Variants in RFC3 observed in about 807,000 individuals in gnomAD.
RFC3 encodes replication factor C subunit 3.
In RFC3, 41 loss-of-function variants were observed where a neutral mutation model predicts 45.1. The ratio of observed to expected loss-of-function variants is 0.91; its 90% confidence interval spans 0.71 to 1.18. The LOEUF is 1.18. Ranked by LOEUF, RFC3 falls within the 50% of genes most tolerant of loss-of-function variation. The pLI, the probability that RFC3 is intolerant of heterozygous loss-of-function variation, is 0.00. For missense variants in RFC3, 423 were observed against 428.1 expected (o/e 0.99, Z 0.10); for synonymous variants, 149 against 144.0 (o/e 1.03, Z -0.25).
chr13:33,903,570 T>A (rs1328996634), intron 8 of RFC3, among the ~76,000 whole-genome samples: 2 of 152,210 alleles, frequency 1.3e-5, no homozygotes, highest in South Asian at 2.1e-4. Flanking sequence ...ACAAGTGGGC[T>A]CCAGCAACCA....
chr13:33,873,568 A>G (rs949297844), intron 8 of RFC3, among the ~76,000 whole-genome samples: 1 of 152,112 alleles, frequency 6.6e-6, no homozygotes, highest in Admixed American at 6.6e-5. Context: ...ACAAACTGAC[A>G]GAGAGAGGAT....
At chr13:33,911,363 ATG>A (rs772008959) in intron 8 of RFC3, among the ~76,000 whole-genome samples, 2 of 152,090 alleles carry the variant, frequency 1.3e-5, no homozygotes, top group Non-Finnish European at 2.9e-5. Flanking sequence ...GTCAGCAGCT[ATG>A]TCTCTCCATG....
intron 8 of RFC3, among the ~76,000 whole-genome samples, chr13:33,892,812 C>G (rs528687702): frequency 6.6e-6 from 1 of 152,274 alleles, no homozygotes; most frequent in Admixed American, 6.5e-5. Context: ...GAGACAGTCC[C>G]TGGGGCCACA....
chr13:33,831,419 T>A, intron 7 of RFC3, 65 bp downstream of exon 7: 1 of 805,920 alleles, frequency 1.2e-6, no homozygotes, highest in South Asian at 1.5e-5. Context: ...ACATATTAAC[T>A]ATTTTATGCT....
In RFC3 at chr13:33,941,661, A is replaced by G. The variant is rs78288248; in HGVS notation, c.880-24426A>G. On this transcript the variant is annotated intron_variant, in intron 8 of 8. Coordinates refer to the RFC3 transcript ENST00000434425. ...TCGAAGCTGCCTGTTTTCTTTGGCTATCTTTAAGATTTTTCTATCTTTGGT... is the reference window on the plus strand; with the variant it reads ...TCGAAGCTGCCTGTTTTCTTTGGCTGTCTTTAAGATTTTTCTATCTTTGGT... 1.8e-3 allele frequency among the ~76,000 whole-genome samples: 281 copies of G among 151,960 alleles called. 2 individuals are homozygous for G. The East Asian group carries it at 0.02, about 11-fold the overall frequency.
intron 8 of RFC3, among the ~76,000 whole-genome samples, chr13:33,843,390 AAC>A (rs1200112512): frequency 6.6e-6 from 1 of 152,204 alleles, no homozygotes; most frequent in African/African-American, 2.4e-5. Flanking sequence ...CCAATTTACA[AAC>A]ACTATATGGT....
intron 8 of RFC3, among the ~76,000 whole-genome samples, chr13:33,887,037 T>C (rs200646422): frequency 0.095 from 13,776 of 144,378 alleles, 1,223 homozygotes; most frequent in African/African-American, 0.26. Flanking sequence ...TCTATCATTG[T>C]TGGACATTTG....
At chr13:33,891,885 A>G (rs1292240305) in intron 8 of RFC3, among the ~76,000 whole-genome samples, 1 of 152,206 alleles carries the variant, frequency 6.6e-6, no homozygotes, top group East Asian at 1.9e-4. Context: ...AATAGTTGTG[A>G]AAACTTTCAG....
At chr13:33,929,091 C>T (rs539918435) in intron 8 of RFC3, among the ~76,000 whole-genome samples, 1 of 152,092 alleles carries the variant, frequency 6.6e-6, no homozygotes, top group African/African-American at 2.4e-5. Context: ...GGAGGGCTAC[C>T]TAGTTGTTCG....
At chr13:33,825,932 T>C in intron 4 of RFC3, 46 bp downstream of exon 4, 1 of 1,210,852 alleles carries the variant, frequency 8.3e-7, no homozygotes. Flanking sequence ...CAAGCATTAG[T>C]GCTCTCTCTT....
chr13:33,949,180 A>G (rs2082973445), intron 8 of RFC3, among the ~76,000 whole-genome samples: 2 of 152,140 alleles, frequency 1.3e-5, no homozygotes, highest in Non-Finnish European at 2.9e-5. Flanking sequence ...TGCCCTCATG[A>G]TAATGAGTGA....
chr13:33,890,830 A>G (rs574309829), intron 8 of RFC3, among the ~76,000 whole-genome samples: 75 of 152,312 alleles, frequency 4.9e-4, no homozygotes, highest in African/African-American at 1.7e-3. Context: ...TGAGATTCAA[A>G]CTAGGCCAAT....
At chr13:33,879,630 TAAA>T (rs1327122579) in intron 8 of RFC3, among the ~76,000 whole-genome samples, 1 of 152,164 alleles carries the variant, frequency 6.6e-6, no homozygotes, top group Non-Finnish European at 1.5e-5. Context: ...AAGAAATAAA[TAAA>T]AAATTAAATA....
chr13:33,839,263 G>A (rs578189153), downstream of RFC3, among the ~76,000 whole-genome samples: 3 of 152,184 alleles, frequency 2.0e-5, no homozygotes, highest in South Asian at 2.1e-4. Flanking sequence ...TCTGTCAATG[G>A]CCATGAACTA....
the RFC3 span, among the ~76,000 whole-genome samples, chr13:33,972,093 G>A: frequency 6.6e-6 from 1 of 152,234 alleles, no homozygotes; most frequent in African/African-American, 2.4e-5. Flanking sequence ...TCCGGCCTGG[G>A]TGACAGAGCA....
chr13:33,869,983 G>T (rs1276536476), intron 8 of RFC3, among the ~76,000 whole-genome samples: 7 of 152,142 alleles, frequency 4.6e-5, no homozygotes, highest in Non-Finnish European at 1.0e-4. Context: ...ATCCTTGTTT[G>T]GTGGTTCCAC....
At chr13:33,955,285 T>C (rs1037131931) in intron 8 of RFC3, among the ~76,000 whole-genome samples, 17 of 152,288 alleles carry the variant, frequency 1.1e-4, no homozygotes, top group African/African-American at 4.1e-4. Context: ...TTGCAAGAGA[T>C]AAATGATGGA....
At position 33,853,946 on chromosome 13, in the gene RFC3, C is replaced by A. The variant is rs1339212634; in HGVS notation, c.879+18729C>A. On this transcript the variant is annotated intron_variant, in intron 8 of 8. Coordinates refer to the RFC3 transcript ENST00000434425. ...TAAGAGATATTCAAAGCATTTCTTA[C>A]GTGAGTTTCCATGTGACACAGTCAT... Among the ~76,000 whole-genome samples, 6 of 152,258 alleles carry A rather than the reference C, an allele frequency of 3.9e-5. No homozygotes were observed. In the South Asian group the frequency reaches 1.2e-3, roughly 32 times the overall value.
intron 7 of RFC3, 145 bp from the exon 8 acceptor site, chr13:33,835,003 T>C: frequency 1.8e-6 from 1 of 551,294 alleles, no homozygotes; most frequent in Non-Finnish European, 3.2e-6. Context: ...ACTGGATTGT[T>C]TGTTAATTCA....
Sources: gnomAD v4.1 joint callset for allele counts (sites outside exome capture counted in the v4.1 genomes callset) on GRCh38, gnomAD v4.1.1 for gene constraint, MANE v1.5 for transcripts, NCBI Gene and HGNC (gene_info 2026-07-23, HGNC 2026-07-21) for gene names.